RBMS2: variants seen among roughly 807,000 people sequenced by gnomAD.
RBMS2 encodes RNA-binding motif, single-stranded-interacting protein 2.
RBMS2 carries 38 observed loss-of-function variants against 58.4 expected under a neutral mutation model. The ratio of observed to expected loss-of-function variants is 0.65; its 90% CI spans 0.50 to 0.85. The LOEUF is 0.85. Among genes scored for constraint, RBMS2 ranks in the 40% least tolerant of loss-of-function variants. RBMS2 has a pLI of 0.00. For synonymous variants in RBMS2, 151 were observed against 180.7 expected, an observed-to-expected ratio of 0.84 and a Z score of 1.32; for missense variants, 367 against 503.7, an observed-to-expected ratio of 0.73 and a Z score of 2.60.
intron 4 of RBMS2, 141 bp downstream of exon 4, chr12:56,570,131 GA>G: frequency 1.5e-6 from 1 of 675,126 alleles, no homozygotes; most frequent in Non-Finnish European, 2.5e-6. Context: ...GACAGTCCAT[GA>G]GCACCCCTGG....
chr12:56,581,179 C>T lies in RBMS2; in HGVS notation c.543-5C>T. 6.3e-7 allele frequency: 1 copy of T among 1,588,616 alleles called. No homozygotes were observed. Among genetic ancestry groups the T allele is most frequent in the East Asian group, 2.2e-5 (1 of 44,740 alleles). ...CTAGAGCCTAACCCCTCTTATGCTC[C>T]TTAGGATGGAGTCCACAGAGAAGTG... On this transcript the variant is annotated splice_region_variant and splice_polypyrimidine_tract_variant and intron_variant, in intron 5 of 13. Transcript: ENST00000262031.
At chr12:56,539,497 T>G (rs1022906396) in intron 1 of RBMS2, among the ~76,000 whole-genome samples, 13 of 152,186 alleles carry the variant, frequency 8.5e-5, no homozygotes, top group African/African-American at 3.1e-4. Context: ...AAACCAGTAT[T>G]CAGTATTTAT....
chr12:56,559,438 G>A (rs1287127423), intron 1 of RBMS2, among the ~76,000 whole-genome samples: 6 of 150,524 alleles, frequency 4.0e-5, no homozygotes, highest in East Asian at 2.0e-4. Context: ...TCCCCACCTC[G>A]GCCTCCCAAA....
chr12:56,534,448 A>G (rs1874377754), intron 1 of RBMS2, among the ~76,000 whole-genome samples: 1 of 152,162 alleles, frequency 6.6e-6, no homozygotes, highest in South Asian at 2.1e-4. Context: ...TTATTTCCAA[A>G]GTATTGTACC....
rs148057149 is a variant in RBMS2, at chr12:56,581,835, C to T, written c.735C>T (p.Gly245=). The part of the protein sequence containing the change: ...GRAWPRNADM[G]VMALTYDPTT... ...AACACTGTGTTCTTTCTTTATAGGG[C>T]GTCATGGCCTTGACCTATGACCCCA... is the stretch of plus-strand genomic sequence containing the variant. The change falls in exon 8 of 14, where the codon GGC becomes GGT. Residue 245 remains glycine (G), a splice_region_variant and synonymous_variant. Coordinates refer to ENST00000262031, the MANE Select transcript of RBMS2 (RefSeq NM_002898.4). 39 of 1,614,056 alleles carry T rather than the reference C, an allele frequency of 2.4e-5. No individual in the cohort carries two copies. The Admixed American group carries it at 2.7e-4, about 11-fold the overall frequency.
At chr12:56,536,394 G>A (rs1203402570) in intron 1 of RBMS2, among the ~76,000 whole-genome samples, 2 of 151,830 alleles carry the variant, frequency 1.3e-5, no homozygotes, top group African/African-American at 2.4e-5. Context: ...AAAGTGCTGG[G>A]ATCACAAGCA....
At chr12:56,566,812 C>CT (rs1381871183) in intron 2 of RBMS2, among the ~76,000 whole-genome samples, 1 of 152,082 alleles carries the variant, frequency 6.6e-6, no homozygotes, top group East Asian at 1.9e-4. Context: ...GAGTGAAACT[C>CT]TGTTTCAGAA....
At chr12:56,555,574 G>A (rs1398004567) in intron 1 of RBMS2, among the ~76,000 whole-genome samples, 1 of 151,812 alleles carries the variant, frequency 6.6e-6, no homozygotes, top group East Asian at 1.9e-4. Context: ...GGGCAACATA[G>A]CAAGACTCCG....
At chr12:56,574,687 T>C (rs548110830) in intron 5 of RBMS2, among the ~76,000 whole-genome samples, 1 of 152,336 alleles carries the variant, frequency 6.6e-6, no homozygotes, top group Non-Finnish European at 1.5e-5. Context: ...TATGTTTCTA[T>C]GTTAATGTCT....
At chr12:56,543,684 T>C (rs910774065) in intron 1 of RBMS2, among the ~76,000 whole-genome samples, 1 of 147,822 alleles carries the variant, frequency 6.8e-6, no homozygotes, top group African/African-American at 2.5e-5. Flanking sequence ...GAGGCGGGGG[T>C]GGAGTCTTGC....
At chr12:56,546,324 T>TG in intron 1 of RBMS2, among the ~76,000 whole-genome samples, 11 of 88,800 alleles carry the variant, frequency 1.2e-4, no homozygotes, top group African/African-American at 4.3e-4. Context: ...TTATAAAAAA[T>TG]AATAATACAT....
Position 56,581,890 on chromosome 12 carries a change from A to G in RBMS2, c.779+11A>G, listed in dbSNP as rs377471628. 51 of 1,613,704 alleles carry G rather than the reference A, an allele frequency of 3.2e-5. No homozygotes were observed. Among genetic ancestry groups the G allele is most frequent in the Non-Finnish European group, 4.2e-5 (50 of 1,179,700 alleles). ...AGCTCTTCAGAATGGGTAAGGTTTT[A>G]TATAATCAAGCCACCTGAAAATGAT... On this transcript the variant is annotated intron_variant, in intron 8 of 13. Transcript: ENST00000262031.
chr12:56,540,673 C>T (rs1298692977), intron 1 of RBMS2, among the ~76,000 whole-genome samples: 2 of 152,204 alleles, frequency 1.3e-5, no homozygotes, highest in Non-Finnish European at 2.9e-5. Context: ...AATAACCACA[C>T]CTGGCTACCT....
Position 56,586,911 on chromosome 12 carries a change from C to G in RBMS2, c.936C>G (p.Tyr312Ter). 6.2e-7 allele frequency: 1 copy of G among 1,612,920 alleles called. No individual in the cohort carries two copies. The highest frequency in any genetic ancestry group is 8.5e-7 in the Non-Finnish European group (1 of 1,178,900). ...PNPSWMHHHS[Y>*]LMQPSGSVLT... is the part of the protein sequence containing the mutation. ...CATCCTGGATGCACCACCATTCATA[C>G]CTCATGCAGCCTTCAGTGAGTATTC... The change falls in exon 10 of 14, where the codon TAC (tyrosine) becomes TAG (stop). Residue 312 changes from tyrosine to a stop codon, truncating the protein, a stop_gained. Coordinates refer to ENST00000262031, the MANE Select transcript of RBMS2 (RefSeq NM_002898.4). LOFTEE classifies it high-confidence loss of function.
rs568629270 is a variant in RBMS2, at chr12:56,552,656, C to T, written c.67-9761C>T. Among the ~76,000 whole-genome samples the T allele has an allele frequency of 2.4e-4, 36 of 151,996 alleles. No individual in the cohort carries two copies. In the South Asian group the frequency reaches 6.7e-3, roughly 28 times the overall value. ...GGAGGATCCCTCAAGCCCAGGAGTACGAAACCAGCCTGGGCAACATAGCGT... is the reference window on the plus strand; with the variant it reads ...GGAGGATCCCTCAAGCCCAGGAGTATGAAACCAGCCTGGGCAACATAGCGT... On this transcript the variant is annotated intron_variant, in intron 1 of 13. Transcript: ENST00000262031.
At chr12:56,533,346 C>T (rs1244625398) in intron 1 of RBMS2, among the ~76,000 whole-genome samples, 5 of 150,362 alleles carry the variant, frequency 3.3e-5, no homozygotes, top group African/African-American at 7.3e-5. Flanking sequence ...AAGCGATCCT[C>T]CTGCCTTGGC....
intron 1 of RBMS2, among the ~76,000 whole-genome samples, chr12:56,528,433 A>G (rs559381840): frequency 6.6e-6 from 1 of 152,214 alleles, no homozygotes; most frequent in South Asian, 2.1e-4. Flanking sequence ...GTAAGGAAGT[A>G]TAGATGGTAT....
intron 2 of RBMS2, among the ~76,000 whole-genome samples, chr12:56,566,814 GT>G (rs1382694969): frequency 1.3e-5 from 2 of 152,082 alleles, no homozygotes; most frequent in Non-Finnish European, 2.9e-5. Context: ...GTGAAACTCT[GT>G]TTCAGAAAAC....
chr12:56,541,009 G>A (rs1427314059), intron 1 of RBMS2, among the ~76,000 whole-genome samples: 1 of 151,124 alleles, frequency 6.6e-6, no homozygotes, highest in Non-Finnish European at 1.5e-5. Flanking sequence ...GCTGAGGTGG[G>A]AAGATTACTT....
Sources: allele counts gnomAD v4.1 joint callset (sites outside exome capture counted in the v4.1 genomes callset), GRCh38; gene constraint gnomAD v4.1.1; transcripts MANE v1.5; gene names NCBI Gene and HGNC (gene_info 2026-07-23, HGNC 2026-07-21).